LSAMP: variants seen among roughly 807,000 people sequenced by gnomAD.
The protein encoded by LSAMP is limbic system associated membrane protein, also known as limbic system-associated membrane protein.
In LSAMP, 7 loss-of-function variants were observed where a neutral mutation model predicts 38.6. That is an observed-to-expected ratio of 0.18 (90% CI 0.10 to 0.34). The LOEUF (loss-of-function observed/expected upper bound fraction) is 0.34. LSAMP is among the 10% of genes least tolerant of loss of function. The probability of loss-of-function intolerance (pLI) is 1.00; values close to 1 mark genes in which losing one functional copy is unlikely to be tolerated. For synonymous variants in LSAMP, 154 were observed against 166.8 expected, an observed-to-expected ratio of 0.92 and a Z score of 0.59; for missense variants, 313 against 420.0, an observed-to-expected ratio of 0.75 and a Z score of 2.23.
At position 115,810,373 on chromosome 3, in the gene LSAMP, C is replaced by T. The variant is rs773669774; in HGVS notation, c.961G>A (p.Ala321Thr). 7 of 1,613,542 alleles carry T rather than the reference C, an allele frequency of 4.3e-6. No individual in the cohort carries two copies. The highest frequency in any genetic ancestry group is 5.9e-6 in the Non-Finnish European group (7 of 1,179,750). ...VRGINGSISL[A>T]VPLWLLAASL... is the part of the protein sequence containing the mutation. Reference sequence around the variant, plus strand: ...GCTGCCAGCAGCCACAGTGGTACGGCCAGACTGATGGATCCATTTATTCCT... The same window carrying T: ...GCTGCCAGCAGCCACAGTGGTACGGTCAGACTGATGGATCCATTTATTCCT... Residue 321 changes from alanine to threonine, a missense_variant, in exon 7 of 7, where the codon GCC becomes ACC. Ala to Thr is a moderately conservative substitution (Grantham distance 58). Coordinates refer to ENST00000490035, the MANE Select transcript of LSAMP (RefSeq NM_002338.5).
chr3:115,878,554 T>C (rs537937655), intron 3 of LSAMP, among the ~76,000 whole-genome samples: 22 of 142,636 alleles, frequency 1.5e-4, no homozygotes, highest in African/African-American at 5.3e-4. Context: ...CTCCGCTTCC[T>C]GGCTTCAAGC....
intron 1 of LSAMP, among the ~76,000 whole-genome samples, chr3:116,209,157 G>T (rs1005929421): frequency 6.6e-6 from 1 of 152,178 alleles, no homozygotes; most frequent in African/African-American, 2.4e-5. Context: ...GGAGTGACCC[G>T]ATTTTCCAGG....
At chr3:116,346,301 T>G (rs1559835991) in intron 1 of LSAMP, among the ~76,000 whole-genome samples, 1 of 147,584 alleles carries the variant, frequency 6.8e-6, no homozygotes, top group Non-Finnish European at 1.5e-5. Flanking sequence ...GGAAACATGA[T>G]TTTTTTTTCT....
chr3:115,987,333 C>T (rs1939537597), intron 3 of LSAMP, among the ~76,000 whole-genome samples: 1 of 152,146 alleles, frequency 6.6e-6, no homozygotes. Context: ...TGTTCTTTCC[C>T]TCTTCCCCCT....
At chr3:116,131,951 C>T (rs1487053811) in intron 1 of LSAMP, among the ~76,000 whole-genome samples, 5 of 151,768 alleles carry the variant, frequency 3.3e-5, no homozygotes, top group Admixed American at 3.3e-4. Context: ...CCTCAGTCTC[C>T]CGAGTAGCTG....
intron 3 of LSAMP, among the ~76,000 whole-genome samples, chr3:115,938,952 A>T (rs1937802402): frequency 6.6e-6 from 1 of 152,174 alleles, no homozygotes; most frequent in Non-Finnish European, 1.5e-5. Context: ...ACGTCAGTTT[A>T]TTGTAACAAT....
At chr3:116,085,938 C>T (rs537357121) in intron 2 of LSAMP, among the ~76,000 whole-genome samples, 1 of 152,196 alleles carries the variant, frequency 6.6e-6, no homozygotes, top group South Asian at 2.1e-4. Context: ...ACAGATAAAC[C>T]CAAACTTTCT....
rs537163947 is a variant in LSAMP at position 115,851,226 on chromosome 3, A to G, written c.649+1257T>C. Among the ~76,000 whole-genome samples, 259 of 152,260 alleles carry G rather than the reference A, an allele frequency of 1.7e-3. 1 individual carries two copies. Among genetic ancestry groups the G allele is most frequent in the African/African-American group, 5.9e-3 (245 of 41,568 alleles). ...TGACCTCAGGTGATCCGCCTGTCTC[A>G]GCCTCCCCAAGTGCTGGGATTACAG... On this transcript the variant is annotated intron_variant, in intron 4 of 6. Transcript: ENST00000490035.
chr3:116,318,638 G>A (rs751819532), intron 1 of LSAMP, among the ~76,000 whole-genome samples: 15 of 152,094 alleles, frequency 9.9e-5, no homozygotes, highest in South Asian at 2.1e-4. Flanking sequence ...TAAACATAAC[G>A]CAGCTAGCAT....
At chr3:116,254,212 G>A (rs1435678021) in intron 1 of LSAMP, among the ~76,000 whole-genome samples, 1 of 152,078 alleles carries the variant, frequency 6.6e-6, no homozygotes, top group Non-Finnish European at 1.5e-5. Flanking sequence ...AAAAGCTTCT[G>A]TATCAATTTT....
chr3:116,314,843 T>A (rs1324513028), intron 1 of LSAMP, among the ~76,000 whole-genome samples: 2 of 152,168 alleles, frequency 1.3e-5, no homozygotes, highest in Non-Finnish European at 2.9e-5. Flanking sequence ...ACAAAAAGAA[T>A]AAAGACCCCC....
At chr3:116,387,669 G>C (rs1399720840) in intron 1 of LSAMP, among the ~76,000 whole-genome samples, 3 of 152,086 alleles carry the variant, frequency 2.0e-5, no homozygotes, top group African/African-American at 7.2e-5. Flanking sequence ...ATCTAAATGA[G>C]AAGGCAAACA....
intron 1 of LSAMP, among the ~76,000 whole-genome samples, chr3:116,123,083 A>C (rs528157934): frequency 1.1e-4 from 17 of 152,236 alleles, no homozygotes; most frequent in Non-Finnish European, 2.4e-4. Context: ...AACAATTGTC[A>C]TAAAGATGAC....
At chr3:116,330,308 G>A (rs1053929066) in intron 1 of LSAMP, among the ~76,000 whole-genome samples, 1 of 152,114 alleles carries the variant, frequency 6.6e-6, no homozygotes, top group African/African-American at 2.4e-5. Context: ...CACATTCCGA[G>A]CTCTGTGGCA....
rs1462364392 is a variant in LSAMP, at chr3:116,097,009, C to T, written c.156-10453G>A. Among the ~76,000 whole-genome samples, 3 of 152,136 alleles carry T rather than the reference C, an allele frequency of 2.0e-5. No homozygotes were observed. In the East Asian group the frequency reaches 5.8e-4, roughly 29 times the overall value. On this transcript the variant is annotated intron_variant, in intron 1 of 6. Coordinates refer to ENST00000490035, the MANE Select transcript of LSAMP (RefSeq NM_002338.5). ...GATTCTCCCTATGAGCCTTTGTTCT[C>T]TGTGAAAAATACCTCTCATTTGGAA... is the stretch of plus-strand genomic sequence containing the variant.
At chr3:116,134,274 A>G (rs1289483680) in intron 1 of LSAMP, among the ~76,000 whole-genome samples, 1 of 152,164 alleles carries the variant, frequency 6.6e-6, no homozygotes, top group African/African-American at 2.4e-5. Context: ...ACCTCCCTTC[A>G]TCTCCACTGA....
rs1192971526 is a variant in LSAMP, at chr3:115,808,388, G to A, written c.*1929C>T. 1.3e-5 allele frequency: 2 copies of A among 152,000 alleles called. No individual in the cohort carries two copies. Among genetic ancestry groups the A allele is most frequent in the Non-Finnish European group, 2.9e-5 (2 of 68,024 alleles). The allele number at this position is 152,000 out of a possible 1,614,324, so 9.4% of individuals were successfully genotyped here. The stretch of plus-strand genomic sequence containing the variant: ...AGTGCTTACTACTGTGTAAGTGAGA[G>A]CAAGGGTTGGTTTTCTGACAAAGAC... On this transcript the variant is annotated 3_prime_UTR_variant, in exon 7 of 7. Transcript: ENST00000490035.
intron 3 of LSAMP, among the ~76,000 whole-genome samples, chr3:115,965,740 TTAAAA>T (rs1938786879): frequency 6.6e-6 from 1 of 151,282 alleles, no homozygotes; most frequent in Admixed American, 6.6e-5. Flanking sequence ...TATTTAAAAA[TTAAAA>T]TAATAATTAT....
intron 6 of LSAMP, among the ~76,000 whole-genome samples, chr3:115,821,098 G>A (rs193037216): frequency 8.7e-4 from 133 of 152,044 alleles, no homozygotes; most frequent in Non-Finnish European, 1.5e-3. Context: ...CTCTCACTAC[G>A]TGATGTGATT....
Sources: gnomAD v4.1 joint callset for allele counts (sites outside exome capture counted in the v4.1 genomes callset) on GRCh38, gnomAD v4.1.1 for gene constraint, MANE v1.5 for transcripts, NCBI Gene and HGNC (gene_info 2026-07-23, HGNC 2026-07-21) for gene names.